DISP1: variants seen among roughly 807,000 people sequenced by gnomAD.
The protein encoded by DISP1 is dispatched RND transporter family member 1.
DISP1 carries 30 observed loss-of-function variants against 37.3 expected under a neutral mutation model. The ratio of observed to expected loss-of-function variants is 0.80; its 90% CI spans 0.60 to 1.09. The LOEUF (loss-of-function observed/expected upper bound fraction) is 1.09, where lower values mean the gene tolerates loss of function less well. DISP1 is among the 50% of genes least tolerant of loss of function. The pLI, the probability that DISP1 is intolerant of heterozygous loss-of-function variation, is 0.00. For missense variants in DISP1, 1,598 were observed against 1,879.5 expected, an observed-to-expected ratio of 0.85 and a Z score of 2.77; for synonymous variants, 634 against 690.2, an observed-to-expected ratio of 0.92 and a Z score of 1.28.
At chr1:222,854,406 A>G (rs1041192884) in intron 1 of DISP1, among the ~76,000 whole-genome samples, 1 of 152,202 alleles carries the variant, frequency 6.6e-6, no homozygotes, top group African/African-American at 2.4e-5. Flanking sequence ...CCACATGCTT[A>G]TAAAACCATC....
chr1:222,820,037 C>G (rs2125133650), intron 1 of DISP1, among the ~76,000 whole-genome samples: 1 of 152,046 alleles, frequency 6.6e-6, no homozygotes, highest in East Asian at 1.9e-4. Flanking sequence ...AGTGATTTAC[C>G]CAGTTACCAT....
intron 1 of DISP1, among the ~76,000 whole-genome samples, chr1:222,888,784 A>C (rs1670782147): frequency 2.0e-5 from 3 of 151,962 alleles, no homozygotes; most frequent in Admixed American, 2.0e-4. Flanking sequence ...TTTTAGTGAC[A>C]ACTTTATCTT....
At chr1:222,922,141 C>G (rs1426334864) in intron 1 of DISP1, among the ~76,000 whole-genome samples, 1 of 152,044 alleles carries the variant, frequency 6.6e-6, no homozygotes, top group Non-Finnish European at 1.5e-5. Context: ...AAAGCAAATT[C>G]TGTTTGGCAA....
intron 1 of DISP1, among the ~76,000 whole-genome samples, chr1:222,924,642 C>T (rs185686687): frequency 6.6e-6 from 1 of 152,230 alleles, no homozygotes; most frequent in Admixed American, 6.5e-5. Flanking sequence ...ACTTGTACTT[C>T]CAAATTACTA....
At chr1:222,836,317 G>A (rs1437750312) in intron 1 of DISP1, among the ~76,000 whole-genome samples, 1 of 152,190 alleles carries the variant, frequency 6.6e-6, no homozygotes, top group Non-Finnish European at 1.5e-5. Flanking sequence ...TGAATTTTCA[G>A]CAAATGTACA....
intron 1 of DISP1, among the ~76,000 whole-genome samples, chr1:222,926,858 C>T (rs936038650): frequency 2.0e-5 from 3 of 152,082 alleles, no homozygotes; most frequent in African/African-American, 7.2e-5. Flanking sequence ...GACTTGTTTA[C>T]AGTATGAGAG....
intron 1 of DISP1, among the ~76,000 whole-genome samples, chr1:222,839,040 C>A (rs1261098211): frequency 6.6e-6 from 1 of 152,102 alleles, no homozygotes; most frequent in African/African-American, 2.4e-5. Context: ...CACTCTAGGG[C>A]TGTTAGTTGA....
Position 223,005,573 on chromosome 1 carries a change from G to A in DISP1, c.4176G>A (p.Ser1392=), listed in dbSNP as rs148996682. Residue 1392 remains serine (S), a synonymous_variant, in exon 9 of 9, where the codon TCG becomes TCA. Transcript: ENST00000675850. ...ATCTTCCAAAGATGGCAGAGCCATC[G>A]TCATTTGTCTGCAGAAGCACTGGAT... ...EEHLPKMAEP[S]SFVCRSTGSL... is the part of the protein sequence containing the mutation. 12 of 1,613,962 alleles carry A rather than the reference G, an allele frequency of 7.4e-6. No homozygotes were observed. Among genetic ancestry groups the A allele is most frequent in the African/African-American group, 4.0e-5 (3 of 74,880 alleles).
chr1:222,934,118 A>G (rs761358083), intron 2 of DISP1, among the ~76,000 whole-genome samples: 2 of 152,108 alleles, frequency 1.3e-5, no homozygotes, highest in African/African-American at 2.4e-5. Context: ...ACCTTCAGAC[A>G]GAATTTTACA....
At chr1:222,924,961 C>G (rs1673000561) in intron 1 of DISP1, among the ~76,000 whole-genome samples, 1 of 151,924 alleles carries the variant, frequency 6.6e-6, no homozygotes, top group African/African-American at 2.4e-5. Context: ...AAGAAAGATA[C>G]CTAAATAGTA....
At chr1:222,976,837 A>C (rs552242878) in intron 3 of DISP1, among the ~76,000 whole-genome samples, 1 of 152,338 alleles carries the variant, frequency 6.6e-6, no homozygotes, top group East Asian at 1.9e-4. Context: ...TTTTAGTTCC[A>C]AAGATAGCAA....
At chr1:222,952,317 G>A (rs907131509) in intron 3 of DISP1, among the ~76,000 whole-genome samples, 2 of 152,138 alleles carry the variant, frequency 1.3e-5, no homozygotes, top group African/African-American at 2.4e-5. Context: ...GATGGAAAAC[G>A]TTTCCATCAT....
chr1:222,915,632 T>C (rs1672456838), intron 1 of DISP1, among the ~76,000 whole-genome samples: 1 of 152,252 alleles, frequency 6.6e-6, no homozygotes, highest in East Asian at 1.9e-4. Context: ...TTACTAGTTT[T>C]CATTTTTCCA....
chr1:222,853,394 TG>T (rs1668378653), intron 1 of DISP1, among the ~76,000 whole-genome samples: 1 of 152,214 alleles, frequency 6.6e-6, no homozygotes, highest in Non-Finnish European at 1.5e-5. Context: ...ATTGTACTAC[TG>T]GGGATTTATC....
Position 222,893,524 on chromosome 1 carries a change from C to T in DISP1, c.-158-34906C>T, listed in dbSNP as rs1033339865. Among the ~76,000 whole-genome samples, 14 of 152,216 alleles carry T rather than the reference C, an allele frequency of 9.2e-5. No individual in the cohort carries two copies. Among genetic ancestry groups the T allele is most frequent in the African/African-American group, 3.1e-4 (13 of 41,458 alleles). ...GGCGAGTGAGTGTGAGGTCTGGCTG[C>T]TGTGCACAGACAGCTAGGCACATCA... On this transcript the variant is annotated intron_variant, in intron 1 of 8. Coordinates refer to ENST00000675850, the MANE Select transcript of DISP1 (RefSeq NM_001377229.1). This position sits in a 1 kb window ranked among gnomAD's most constrained non-coding sequence, Gnocchi z 4.3.
intron 1 of DISP1, among the ~76,000 whole-genome samples, chr1:222,863,376 T>C (rs1668992861): frequency 1.3e-5 from 2 of 151,994 alleles, no homozygotes; most frequent in Non-Finnish European, 1.5e-5. Flanking sequence ...AAAAATTAGC[T>C]GGGCATAGTG....
At chr1:222,935,251 A>G (rs2125465627) in intron 2 of DISP1, among the ~76,000 whole-genome samples, 1 of 152,314 alleles carries the variant, frequency 6.6e-6, no homozygotes, top group African/African-American at 2.4e-5. Flanking sequence ...TCTAGGGAGC[A>G]TGACTCTTCT....
Position 222,844,147 on chromosome 1 carries a change from T to C in DISP1, c.-159+29069T>C, listed in dbSNP as rs1249106605. Among the ~76,000 whole-genome samples, 3 of 152,186 alleles carry C rather than the reference T, an allele frequency of 2.0e-5. No individual in the cohort carries two copies. In the East Asian group the frequency reaches 5.8e-4, roughly 29 times the overall value. ...ATCAGGCTTTAATAGACCTGATGTG[T>C]TGAGGTTCCCTCAATTCCCTTTTTG... On this transcript the variant is annotated intron_variant, in intron 1 of 8. Coordinates refer to ENST00000675850, the MANE Select transcript of DISP1 (RefSeq NM_001377229.1).
rs771437708 is a variant in DISP1 at position 223,002,473 on chromosome 1, C to T, written c.1076C>T (p.Ala359Val). ...AGCTGGACACTGGGAAACTACATCG[C>T]CATTCTGAACAATAGATCGTCCTGT... Reference protein sequence around the residue: ...CPSWTLGNYIAILNNRSSCQK... With the variant: ...CPSWTLGNYIVILNNRSSCQK... Residue 359 changes from alanine (A) to valine (V), a missense_variant, in exon 9 of 9, where the codon GCC (alanine) becomes GTC (valine). Transcript: ENST00000675850. The T allele has an allele frequency of 6.2e-7, 1 of 1,614,044 alleles. No homozygotes were observed. The highest frequency in any genetic ancestry group is 8.5e-7 in the Non-Finnish European group (1 of 1,180,040).
Sources: allele counts gnomAD v4.1 joint callset (sites outside exome capture counted in the v4.1 genomes callset), GRCh38; gene constraint gnomAD v4.1.1; non-coding constraint Gnocchi (gnomAD v3.1); transcripts MANE v1.5; gene names NCBI Gene and HGNC (gene_info 2026-07-23, HGNC 2026-07-21).